Variants in TBC1D8B observed in about 807,000 individuals in gnomAD.
The protein encoded by TBC1D8B is RP11-321G1.1.
A neutral mutation model predicts 82.9 loss-of-function variants in TBC1D8B; 75 were observed. The observed-to-expected ratio is 0.90, with a 90% CI of 0.75 to 1.10. The LOEUF is 1.10. TBC1D8B is among the 50% of genes least tolerant of loss of function. The pLI, the probability that TBC1D8B is intolerant of heterozygous loss-of-function variation, is 0.00. For missense variants in TBC1D8B, 794 were observed against 796.9 expected (o/e 1.00, Z 0.04); for synonymous variants, 276 against 276.8 (o/e 1.00, Z 0.03).
Position 106,873,535 on chromosome X carries a change from A to G in TBC1D8B, c.2968-35A>G, listed in dbSNP as rs774630702. ...TCTCTTTATATTTGCTAAGTCTAAT[A>G]TTCAAACGTGATATTTTCAACTTGT... On this transcript the variant is annotated intron_variant, in intron 20 of 20. Coordinates refer to ENST00000357242, the MANE Select transcript of TBC1D8B (RefSeq NM_017752.3). 2.2e-5 allele frequency: 26 copies of G among 1,156,574 alleles called. No homozygotes were observed. In the African/African-American group the frequency reaches 4.5e-4, roughly 20 times the overall value.
chrX:106,850,975 G>C (rs1182709914), intron 12 of TBC1D8B, among the ~76,000 whole-genome samples: 1 of 111,478 alleles, frequency 9.0e-6, no homozygotes, highest in Non-Finnish European at 1.9e-5. Flanking sequence ...CACTCTTACT[G>C]AGCTGTGTGG....
At chrX:106,810,625 A>G (rs1273298318) in intron 1 of TBC1D8B, among the ~76,000 whole-genome samples, 2 of 112,022 alleles carry the variant, frequency 1.8e-5, no homozygotes, top group Admixed American at 1.9e-4. Flanking sequence ...CAGAACAATT[A>G]AGTAAGATAA....
chrX:106,854,618 A>T (rs1340056889), intron 14 of TBC1D8B, among the ~76,000 whole-genome samples: 1 of 110,172 alleles, frequency 9.1e-6, no homozygotes, highest in Non-Finnish European at 1.9e-5. Flanking sequence ...GGCTCAAGAG[A>T]TCCTTCTTCC....
chrX:106,861,671 T>C (rs1202826059), intron 14 of TBC1D8B, among the ~76,000 whole-genome samples: 1 of 111,853 alleles, frequency 8.9e-6, no homozygotes, highest in African/African-American at 3.2e-5. Context: ...CTCACTATCT[T>C]ATCCAACTTG....
intron 3 of TBC1D8B, 65 bp from the exon 4 acceptor site, chrX:106,821,912 G>T: frequency 1.1e-6 from 1 of 930,050 alleles, no homozygotes; most frequent in Admixed American, 2.4e-5. Flanking sequence ...TCAACTGTTT[G>T]AATGTATGAA....
intron 6 of TBC1D8B, 99 bp from the exon 7 acceptor site, chrX:106,827,070 CA>C: frequency 4.0e-6 from 4 of 988,818 alleles, no homozygotes; most frequent in Non-Finnish European, 5.5e-6. Flanking sequence ...TACTATAGAC[CA>C]AAACTTTTGG....
intron 4 of TBC1D8B, 140 bp from the exon 5 acceptor site, chrX:106,823,086 T>G (rs938954772): frequency 1.1e-5 from 7 of 616,329 alleles, no homozygotes; most frequent in Non-Finnish European, 1.7e-5. Flanking sequence ...CTTCAAATTT[T>G]TAACTAATCT....
At chrX:106,861,181 C>T (rs927418323) in intron 14 of TBC1D8B, among the ~76,000 whole-genome samples, 13 of 111,466 alleles carry the variant, frequency 1.2e-4, no homozygotes, top group African/African-American at 3.6e-4. Flanking sequence ...CATGTGCAGA[C>T]GAGAAGAATA....
intron 1 of TBC1D8B, chrX:106,815,406 A>G (rs1467517740): frequency 9.0e-6 from 1 of 110,676 alleles, no homozygotes; most frequent in Non-Finnish European, 1.9e-5. Context: ...ATTGATCTAT[A>G]TCTCTGTTTT....
chrX:106,810,543 G>C (rs1342268756), intron 1 of TBC1D8B, among the ~76,000 whole-genome samples: 1 of 111,790 alleles, frequency 8.9e-6, no homozygotes, highest in Non-Finnish European at 1.9e-5. Context: ...TGTGTCCACT[G>C]TTCTTTCAGT....
chrX:106,812,680 T>A (rs1362786344), intron 1 of TBC1D8B, among the ~76,000 whole-genome samples: 1 of 110,911 alleles, frequency 9.0e-6, no homozygotes, highest in African/African-American at 3.3e-5. Flanking sequence ...ACTCAGCCCA[T>A]TGCCCTACCT....
At chrX:106,848,521 T>C (rs1309142180) in intron 11 of TBC1D8B, among the ~76,000 whole-genome samples, 2 of 112,030 alleles carry the variant, frequency 1.8e-5, no homozygotes, top group African/African-American at 6.5e-5. Flanking sequence ...AAAGATTGTT[T>C]AATATGTTGC....
At chrX:106,870,311 G>A (rs932715578) in intron 19 of TBC1D8B, among the ~76,000 whole-genome samples, 4 of 112,452 alleles carry the variant, frequency 3.6e-5, no homozygotes, top group South Asian at 7.5e-4. Flanking sequence ...GATTACAGGC[G>A]TGAGCCACCG....
chrX:106,823,564 T>C (rs182749315), intron 5 of TBC1D8B, 98 bp downstream of exon 5: 155 of 973,316 alleles, frequency 1.6e-4, no homozygotes, highest in Non-Finnish European at 1.7e-4. Flanking sequence ...CTATATTATA[T>C]GATAGGGTTT....
At position 106,868,701 on chromosome X, in the gene TBC1D8B, T is replaced by A. The variant is rs113120995; in HGVS notation, c.2812+225T>A. 2.6e-3 allele frequency among the ~76,000 whole-genome samples: 288 copies of A among 112,382 alleles called. 3 individuals carry two copies. Among genetic ancestry groups the A allele is most frequent in the African/African-American group, 8.7e-3 (271 of 31,048 alleles). On this transcript the variant is annotated intron_variant, in intron 18 of 20. Coordinates refer to ENST00000357242, the MANE Select transcript of TBC1D8B (RefSeq NM_017752.3). ...TTCTTGCTTATTGGAGACTCAATAA[T>A]GTATTTTGTTTCTACTTACGTTGCA... is the stretch of plus-strand genomic sequence containing the variant.
intron 20 of TBC1D8B, among the ~76,000 whole-genome samples, chrX:106,871,605 A>T (rs1037213255): frequency 9.0e-6 from 1 of 111,525 alleles, no homozygotes; most frequent in African/African-American, 3.3e-5. Context: ...GTGTCCTCCA[A>T]TTAAATTCCA....
intron 1 of TBC1D8B, among the ~76,000 whole-genome samples, chrX:106,808,625 T>A (rs1310420501): frequency 1.8e-5 from 2 of 112,326 alleles, no homozygotes; most frequent in African/African-American, 6.5e-5. Context: ...TAGAATAACT[T>A]ATCATGACAT....
chrX:106,809,884 C>CA (rs1234195385), intron 1 of TBC1D8B, among the ~76,000 whole-genome samples: 2,937 of 36,391 alleles, frequency 0.081, 215 homozygotes, highest in African/African-American at 0.22. Flanking sequence ...GACTCCGTCT[C>CA]AAAAAAAAAA....
intron 17 of TBC1D8B, among the ~76,000 whole-genome samples, chrX:106,868,034 T>C (rs1232547819): frequency 9.0e-6 from 1 of 110,641 alleles, no homozygotes; most frequent in Non-Finnish European, 1.9e-5. Flanking sequence ...TCCTTATTAT[T>C]GAGGATGTTT....
Sources: allele counts gnomAD v4.1 joint callset (sites outside exome capture counted in the v4.1 genomes callset), GRCh38; gene constraint gnomAD v4.1.1; transcripts MANE v1.5; gene names NCBI Gene and HGNC (gene_info 2026-07-23, HGNC 2026-07-21).